TUBD1: variants seen among roughly 807,000 people sequenced by gnomAD.
The protein encoded by TUBD1 is tubulin delta 1, also known as tubulin delta chain.
In TUBD1, 38 loss-of-function variants were observed where a neutral mutation model predicts 51.2. The observed-to-expected ratio is 0.74, with a 90% CI of 0.57 to 0.97. The LOEUF (loss-of-function observed/expected upper bound fraction) is 0.97. TUBD1 is among the 50% of genes least tolerant of loss of function. The pLI is 0.00. For missense variants in TUBD1, 489 were observed against 538.4 expected, an observed-to-expected ratio of 0.91 and a Z score of 0.91; for synonymous variants, 169 against 178.2, an observed-to-expected ratio of 0.95 and a Z score of 0.41.
chr17:59,886,007 A>G, intron 3 of TUBD1, 76 bp downstream of exon 3: 1 of 1,483,024 alleles, frequency 6.7e-7, no homozygotes, highest in Non-Finnish European at 9.3e-7. Flanking sequence ...TATCAACTAT[A>G]CAGTTCTAAC....
intron 5 of TUBD1, 107 bp from the exon 6 acceptor site, chr17:59,874,810 C>A: frequency 1.2e-6 from 1 of 822,528 alleles, no homozygotes; most frequent in South Asian, 1.6e-5. Flanking sequence ...TGTTTTTTCT[C>A]TTCTCAGACC....
Position 59,878,761 on chromosome 17 carries a change from G to A in TUBD1, c.538-427C>T, listed in dbSNP as rs998373614. On this transcript the variant is annotated intron_variant, in intron 4 of 8. Transcript: ENST00000325752. The stretch of plus-strand genomic sequence containing the variant: ...CCTAAAGTGCTGGGATTATAGGCGT[G>A]AGCCACCGAGCCCAACCAGTTTCCT... 4.3e-5 allele frequency: 7 copies of A among 164,268 alleles called. No homozygotes were observed. In the East Asian group the frequency reaches 7.0e-4, roughly 16 times the overall value. 10.2% of individuals were successfully genotyped at this position (164,268 alleles called of 1,614,324 possible).
intron 6 of TUBD1, among the ~76,000 whole-genome samples, chr17:59,869,262 T>C (rs945862982): frequency 1.3e-5 from 2 of 151,404 alleles, no homozygotes; most frequent in African/African-American, 4.8e-5. Context: ...AATCACAAGG[T>C]CAGGAGTTCA....
intron 3 of TUBD1, chr17:59,885,534 G>A (rs748336248): frequency 2.5e-5 from 38 of 1,524,338 alleles, no homozygotes; most frequent in Non-Finnish European, 3.4e-5. Context: ...AACCTGAGTC[G>A]GTGGTTCACT....
In TUBD1 at chr17:59,878,158, C is replaced by T. The variant is rs181959434; in HGVS notation, c.714G>A (p.Val238=). Residue 238 remains valine (V), a synonymous_variant, in exon 5 of 9, where the codon GTG becomes GTA. Coordinates refer to ENST00000325752, the MANE Select transcript of TUBD1 (RefSeq NM_016261.4). ...TTTCTGCAGAATAAGTAGGCTGGAA[C>T]ACACTTCCCAGCTGATGTGCGAGGA... ...NQVLAHQLGS[V]FQPTYSAESS... 9.3e-6 allele frequency: 15 copies of T among 1,614,158 alleles called. No homozygotes were observed. The East Asian group carries it at 3.3e-4, about 36-fold the overall frequency.
intron 3 of TUBD1, among the ~76,000 whole-genome samples, 164 bp downstream of exon 3, chr17:59,885,919 G>A (rs1431781131): frequency 6.6e-6 from 1 of 152,148 alleles, no homozygotes; most frequent in Non-Finnish European, 1.5e-5. Flanking sequence ...TACAGACATA[G>A]GCATGGAATG....
chr17:59,871,712 A>G (rs931276412), intron 6 of TUBD1, among the ~76,000 whole-genome samples: 1 of 152,320 alleles, frequency 6.6e-6, no homozygotes, highest in Admixed American at 6.5e-5. Context: ...TGGAATGGGA[A>G]GATAAATGCC....
At chr17:59,875,115 C>A (rs1331850165) in intron 5 of TUBD1, among the ~76,000 whole-genome samples, 1 of 111,966 alleles carries the variant, frequency 8.9e-6, no homozygotes, top group Admixed American at 1.3e-4. Flanking sequence ...CTTGTTCTGT[C>A]GCCAGGCTGG....
chr17:59,874,762 CTA>C, intron 5 of TUBD1, 59 bp from the exon 6 acceptor site: 1 of 1,394,854 alleles, frequency 7.2e-7, no homozygotes, highest in Non-Finnish European at 9.9e-7. Flanking sequence ...TGCCAATAGT[CTA>C]TATATAACCA....
chr17:59,870,938 C>T (rs778447296), intron 6 of TUBD1, among the ~76,000 whole-genome samples: 3 of 152,170 alleles, frequency 2.0e-5, no homozygotes, highest in African/African-American at 4.8e-5. Context: ...TAAAGCTTAC[C>T]TTCTACTGAG....
At chr17:59,871,214 G>A (rs544462336) in intron 6 of TUBD1, among the ~76,000 whole-genome samples, 1 of 152,112 alleles carries the variant, frequency 6.6e-6, no homozygotes, top group Non-Finnish European at 1.5e-5. Flanking sequence ...ATTTATTTTT[G>A]AGACAGGGTC....
intron 2 of TUBD1, among the ~76,000 whole-genome samples, chr17:59,887,835 T>C (rs1329442807): frequency 6.6e-6 from 1 of 152,136 alleles, no homozygotes; most frequent in East Asian, 1.9e-4. Flanking sequence ...TCTTGCTCTA[T>C]TGCCCAGGCT....
intron 5 of TUBD1, among the ~76,000 whole-genome samples, chr17:59,876,031 TA>T (rs937980794): frequency 6.6e-6 from 1 of 152,106 alleles, no homozygotes; most frequent in African/African-American, 2.4e-5. Flanking sequence ...CACAAACATC[TA>T]TAAGATGCTA....
chr17:59,888,142 A>G (rs1488850880), intron 2 of TUBD1, among the ~76,000 whole-genome samples: 1 of 152,062 alleles, frequency 6.6e-6, no homozygotes, highest in Non-Finnish European at 1.5e-5. Context: ...TTACTGTGTT[A>G]GCCAGGATGG....
At position 59,874,584 on chromosome 17, in the gene TUBD1, T is replaced by TTTGA; in HGVS notation, c.888_889insTCAA (p.Lys297SerfsTer11). ...GAAATGAGCATCTGTCTCAAATGCTTGAGGAGGCCAGCCCAAGTAAATGTG... is the reference window on the plus strand; with the variant it reads ...GAAATGAGCATCTGTCTCAAATGCTTTTGAGAGGAGGCCAGCCCAAGTAAATGTG... On this transcript the variant is annotated frameshift_variant, in exon 6 of 9. Coordinates refer to ENST00000325752, the MANE Select transcript of TUBD1 (RefSeq NM_016261.4). LOFTEE classifies it high-confidence loss of function. 1 of 1,613,424 alleles carries TTTGA rather than the reference T, an allele frequency of 6.2e-7. No individual in the cohort carries two copies. Among genetic ancestry groups the TTTGA allele is most frequent in the Non-Finnish European group, 8.5e-7 (1 of 1,179,882 alleles).
chr17:59,891,100 A>C (rs2040982379), intron 1 of TUBD1, 59 bp from the exon 2 acceptor site: 2 of 871,848 alleles, frequency 2.3e-6, no homozygotes, highest in Non-Finnish European at 3.5e-6. Flanking sequence ...AACAAATAAA[A>C]TGCCATGTAT....
chr17:59,871,066 C>T (rs2039959559), intron 6 of TUBD1, among the ~76,000 whole-genome samples: 1 of 152,228 alleles, frequency 6.6e-6, no homozygotes, highest in East Asian at 1.9e-4. Flanking sequence ...GACTTCTCAA[C>T]AGCAACGCTG....
intron 2 of TUBD1, among the ~76,000 whole-genome samples, chr17:59,888,932 G>A (rs762461311): frequency 1.4e-5 from 2 of 142,660 alleles, no homozygotes; most frequent in East Asian, 4.3e-4. Flanking sequence ...GGCTGGTCTC[G>A]AACTCCTGAC....
chr17:59,864,224 C>A (rs1021138687), intron 7 of TUBD1, among the ~76,000 whole-genome samples: 2 of 151,704 alleles, frequency 1.3e-5, no homozygotes, highest in Non-Finnish European at 2.9e-5. Context: ...TGGCTCACTG[C>A]AACCTCTACT....
Sources: allele counts gnomAD v4.1 joint callset (sites outside exome capture counted in the v4.1 genomes callset), GRCh38; gene constraint gnomAD v4.1.1; transcripts MANE v1.5; gene names NCBI Gene and HGNC (gene_info 2026-07-23, HGNC 2026-07-21).